The following EML6 variants were observed in gnomAD, a reference collection of about 807,000 sequenced individuals.
EML6 encodes echinoderm microtubule-associated protein-like 6.
Under a neutral mutation model 240.1 loss-of-function variants are expected in EML6, and 154 were observed. That is an observed-to-expected ratio of 0.64 (90% confidence interval 0.56 to 0.73). EML6 has a LOEUF of 0.73. EML6 is among the 30% of genes least tolerant of loss of function. The pLI, the probability that EML6 is intolerant of heterozygous loss-of-function variation, is 0.00. For synonymous variants in EML6, 1,148 were observed against 899.0 expected (o/e 1.28, Z -4.95); for missense variants, 2,964 against 2,474.6 (o/e 1.20, Z -4.20).
intron 9 of EML6, among the ~76,000 whole-genome samples, chr2:54,847,886 T>C (rs1669856913): frequency 6.6e-6 from 1 of 152,200 alleles, no homozygotes; most frequent in Admixed American, 6.5e-5. Context: ...TTAGTAGAAA[T>C]AATCATGTGT....
chr2:54,776,028 T>G (rs1156597564), intron 2 of EML6, among the ~76,000 whole-genome samples: 2 of 152,070 alleles, frequency 1.3e-5, no homozygotes, highest in Non-Finnish European at 2.9e-5. Context: ...GTAAGAATGG[T>G]TTTCTGTAGC....
intron 2 of EML6, among the ~76,000 whole-genome samples, chr2:54,770,718 C>G (rs567987072): frequency 6.6e-6 from 1 of 152,270 alleles, no homozygotes; most frequent in Admixed American, 6.5e-5. Context: ...ACATCTCTGT[C>G]GTTAGTTGAT....
chr2:54,931,006 G>A (rs1429593862), intron 28 of EML6, among the ~76,000 whole-genome samples: 3 of 134,840 alleles, frequency 2.2e-5, no homozygotes, highest in Non-Finnish European at 4.6e-5. Context: ...CGCCCAGGCT[G>A]GAGTGCAGTG....
At chr2:54,800,619 G>A (rs754117965) in intron 2 of EML6, among the ~76,000 whole-genome samples, 3 of 152,018 alleles carry the variant, frequency 2.0e-5, no homozygotes, top group South Asian at 2.1e-4. Flanking sequence ...CACTCAAGAG[G>A]GCATTGTCCC....
chr2:54,799,216 A>G (rs1205718545), intron 2 of EML6, among the ~76,000 whole-genome samples: 1 of 152,132 alleles, frequency 6.6e-6, no homozygotes, highest in Non-Finnish European at 1.5e-5. Flanking sequence ...GTGCACCACC[A>G]TGCCCAGCTA....
intron 2 of EML6, among the ~76,000 whole-genome samples, chr2:54,759,869 C>CATAT (rs149754384): frequency 2.0e-5 from 3 of 148,658 alleles, no homozygotes; most frequent in South Asian, 2.1e-4. Flanking sequence ...TCCTTCCCTC[C>CATAT]ATATATATAT....
chr2:54,881,235 AG>A (rs1333302695), intron 17 of EML6: 1 of 152,222 alleles, frequency 6.6e-6, no homozygotes. Flanking sequence ...AGTAAATAAA[AG>A]TTACTTAAAT....
rs554762142 is a variant in EML6 at position 54,808,388 on chromosome 2, C to T, written c.198-4844C>T. On this transcript the variant is annotated intron_variant, in intron 2 of 41. Coordinates refer to ENST00000356458, the MANE Select transcript of EML6 (RefSeq NM_001039753.4). ...TTCAATCCCCAAAGCAGCAACCTCC[C>T]CTTCTGTCGTCAGACAATGCAACCT... is the stretch of plus-strand genomic sequence containing the variant. 3.3e-5 allele frequency among the ~76,000 whole-genome samples: 5 copies of T among 152,300 alleles called. No homozygotes were observed. In the East Asian group the frequency reaches 7.7e-4, roughly 23 times the overall value.
In EML6 at chr2:54,818,580, C is replaced by T. The variant is rs2104091244; in HGVS notation, c.456+1695C>T. Among the ~76,000 whole-genome samples, 3 of 152,278 alleles carry T rather than the reference C, an allele frequency of 2.0e-5. No individual in the cohort carries two copies. In the Middle Eastern group the frequency reaches 0.01, roughly 518 times the overall value. On this transcript the variant is annotated intron_variant, in intron 4 of 41. Transcript: ENST00000356458. ...AACCTCTTCTGGTTCTGAGGGCTGC[C>T]CAATTTGCAAACAGTTGTTTGCTCA...
chr2:54,805,418 G>A (rs371785855), intron 2 of EML6, among the ~76,000 whole-genome samples: 10 of 152,208 alleles, frequency 6.6e-5, no homozygotes, highest in Middle Eastern at 3.4e-3. Flanking sequence ...TTTCCTATTA[G>A]CAATATATAT....
rs1311303652 is a variant in EML6 at position 54,895,383 on chromosome 2, A to G, written c.2965A>G (p.Met989Val). ...TCTGGAAATTGATAAGAGTGGCCCA[A>G]TGACACTGCTTGTTCAGGTACTGTT... Reference protein sequence around the residue: ...EILEIDKSGPMTLLVQGHMEG... With the variant: ...EILEIDKSGPVTLLVQGHMEG... Residue 989 changes from methionine to valine, a missense_variant, in exon 21 of 42, where the codon ATG becomes GTG. Transcript: ENST00000356458. The G allele has an allele frequency of 4.5e-6, 7 of 1,551,988 alleles. No homozygotes were observed. In the East Asian group the frequency reaches 9.8e-5, roughly 22 times the overall value.
chr2:54,825,057 G>A (rs949748750), intron 5 of EML6, among the ~76,000 whole-genome samples: 2 of 152,178 alleles, frequency 1.3e-5, no homozygotes, highest in African/African-American at 4.8e-5. Context: ...CTGACCTGGT[G>A]ACTTGTCAAT....
chr2:54,825,651 A>G (rs1668550486), intron 5 of EML6, among the ~76,000 whole-genome samples: 3 of 152,304 alleles, frequency 2.0e-5, no homozygotes, highest in South Asian at 4.1e-4. Context: ...TTTTCTGAGA[A>G]GAGAATCCGA....
At chr2:54,832,659 A>T (rs1453820376) in intron 7 of EML6, among the ~76,000 whole-genome samples, 2 of 152,220 alleles carry the variant, frequency 1.3e-5, no homozygotes, top group African/African-American at 4.8e-5. Context: ...AGAGCTGAGC[A>T]AATAAAAGGG....
At chr2:54,909,346 T>C (rs899193459) in intron 24 of EML6, among the ~76,000 whole-genome samples, 3 of 152,208 alleles carry the variant, frequency 2.0e-5, no homozygotes, top group Non-Finnish European at 4.4e-5. Flanking sequence ...TTTTTTCTTT[T>C]CTCACTTACA....
At chr2:54,797,461 A>G (rs1217970081) in intron 2 of EML6, among the ~76,000 whole-genome samples, 2 of 152,182 alleles carry the variant, frequency 1.3e-5, no homozygotes, top group East Asian at 3.9e-4. Flanking sequence ...ATGATTTCAT[A>G]CACAGGTATA....
chr2:54,834,692 C>T (rs549696437), intron 7 of EML6, among the ~76,000 whole-genome samples: 11 of 152,112 alleles, frequency 7.2e-5, no homozygotes, highest in African/African-American at 9.7e-5. Flanking sequence ...CTATAAACTC[C>T]GCATCCAGAA....
intron 2 of EML6, among the ~76,000 whole-genome samples, chr2:54,754,791 C>G (rs201701940): frequency 1.3e-5 from 2 of 152,132 alleles, no homozygotes; most frequent in East Asian, 3.8e-4. Context: ...ATGTAATCTT[C>G]TCAAAACGGC....
In EML6 at chr2:54,970,145, C is replaced by G; in HGVS notation, c.*50C>G. ...TGCTGCTGCTGCTACCAGCCAGCAA[C>G]TGCAGAGGCCATGCTGAGGTGCCTC... On this transcript the variant is annotated 3_prime_UTR_variant, in exon 42 of 42. Coordinates refer to ENST00000356458, the MANE Select transcript of EML6 (RefSeq NM_001039753.4). The G allele has an allele frequency of 1.3e-6, 2 of 1,541,608 alleles. No individual in the cohort carries two copies. Among genetic ancestry groups the G allele is most frequent in the Non-Finnish European group, 1.8e-6 (2 of 1,137,842 alleles).
Sources: gnomAD v4.1 joint callset for allele counts (sites outside exome capture counted in the v4.1 genomes callset) on GRCh38, gnomAD v4.1.1 for gene constraint, MANE v1.5 for transcripts, NCBI Gene and HGNC (gene_info 2026-07-23, HGNC 2026-07-21) for gene names.